Variants in C6orf89 observed in about 807,000 individuals in gnomAD.
C6orf89 encodes bombesin receptor-activated protein C6orf89.
In C6orf89, 29 loss-of-function variants were observed where a neutral mutation model predicts 40.7. That is an observed-to-expected ratio of 0.71 (90% CI 0.53 to 0.97). The LOEUF (loss-of-function observed/expected upper bound fraction) is 0.97. C6orf89 is among the 50% of genes least tolerant of loss of function. The pLI is 0.00. For synonymous variants in C6orf89, 165 were observed against 152.2 expected, an observed-to-expected ratio of 1.08 and a Z score of -0.62; for missense variants, 392 against 429.1, an observed-to-expected ratio of 0.91 and a Z score of 0.76.
intron 1 of C6orf89, among the ~76,000 whole-genome samples, chr6:36,876,340 C>T (rs1479447557): frequency 6.6e-6 from 1 of 152,184 alleles, no homozygotes; most frequent in African/African-American, 2.4e-5. Context: ...GTCTCACACA[C>T]ACAGTGCCCT....
In C6orf89 at chr6:36,916,466, A is replaced by G; in HGVS notation, c.717A>G (p.Ser239=). 2 of 1,614,222 alleles carry G rather than the reference A, an allele frequency of 1.2e-6. No homozygotes were observed. Among genetic ancestry groups the G allele is most frequent in the Non-Finnish European group, 1.7e-6 (2 of 1,180,048 alleles). ...ACAGGAGGAGACCTCTGAACAGATCACAAATGTTACGTGAGCTTTTTCCTG... is the reference window on the plus strand; with the variant it reads ...ACAGGAGGAGACCTCTGAACAGATCGCAAATGTTACGTGAGCTTTTTCCTG... ...PYPWRRPLNR[S]QMLRELFPVF... is the part of the protein sequence containing the mutation. Residue 239 remains serine (S), a synonymous_variant, in exon 7 of 9, where the codon TCA becomes TCG. Transcript: ENST00000480824.
At chr6:36,885,815 C>G, upstream of C6orf89, 2 of 400,662 alleles carry the variant, frequency 5.0e-6, no homozygotes, top group Non-Finnish European at 8.7e-6. Context: ...CTCCAGATAT[C>G]GCGAGAGGTC....
At chr6:36,884,454 T>A (rs1262017179), upstream of C6orf89, among the ~76,000 whole-genome samples, 1 of 152,120 alleles carries the variant, frequency 6.6e-6, no homozygotes, top group Non-Finnish European at 1.5e-5. The surrounding 1 kb of genome is among the most constrained non-coding windows in gnomAD (Gnocchi z 4.0). Context: ...ATAATAATAG[T>A]CTCCCTGGTG....
intron 1 of C6orf89, among the ~76,000 whole-genome samples, chr6:36,887,673 C>T (rs1012943908): frequency 6.6e-6 from 1 of 152,142 alleles, no homozygotes; most frequent in Non-Finnish European, 1.5e-5. Flanking sequence ...TGAAACTGAA[C>T]AGGTAGGCAG....
At chr6:36,884,915 C>T (rs1774922033), upstream of C6orf89, among the ~76,000 whole-genome samples, 5 of 152,296 alleles carry the variant, frequency 3.3e-5, 1 homozygote, top group South Asian at 1.0e-3. This position sits in a 1 kb window ranked among gnomAD's most constrained non-coding sequence, Gnocchi z 4.0. Flanking sequence ...CTACTCAGCC[C>T]TTATTCTCTT....
intron 3 of C6orf89, 39 bp downstream of exon 3, chr6:36,899,672 C>T (rs1175347374): frequency 7.0e-6 from 11 of 1,569,760 alleles, no homozygotes; most frequent in Non-Finnish European, 9.6e-6. Flanking sequence ...TTCAACAGAA[C>T]ACAAACTGTT....
chr6:36,885,945 C>A, upstream of C6orf89: 1 of 1,249,010 alleles, frequency 8.0e-7, no homozygotes, highest in South Asian at 2.7e-5. Context: ...GTCGCGCTCC[C>A]GGAAACAGGA....
chr6:36,885,968 T>G lies in C6orf89; in HGVS notation c.-180T>G. ...CCCGGAAACAGGAAGTTGCCCATCC[T>G]CCTCGCCCGGCGGCAGCTGTCCCCG... On this transcript the variant is annotated 5_prime_UTR_variant, in exon 1 of 9. Coordinates refer to ENST00000480824, the MANE Select transcript of C6orf89 (RefSeq NM_001286635.2). 2 of 1,268,432 alleles carry G rather than the reference T, an allele frequency of 1.6e-6. No homozygotes were observed. The highest frequency in any genetic ancestry group is 2.0e-6 in the Non-Finnish European group (2 of 1,004,732). The allele number at this position is 1,268,432 out of a possible 1,614,324, so 78.6% of individuals were successfully genotyped here.
chr6:36,916,350 C>A, intron 6 of C6orf89, 95 bp from the exon 7 acceptor site: 1 of 1,479,866 alleles, frequency 6.8e-7, no homozygotes, highest in Non-Finnish European at 9.3e-7. Context: ...TCTTTACCCA[C>A]CGCCCACAGT....
intron 2 of C6orf89, among the ~76,000 whole-genome samples, chr6:36,898,227 T>C (rs1338189019): frequency 6.6e-6 from 1 of 151,868 alleles, no homozygotes; most frequent in Non-Finnish European, 1.5e-5. Context: ...GGACTACAGG[T>C]GTGTGCCACC....
intron 7 of C6orf89, 46 bp from the exon 8 acceptor site, chr6:36,919,532 G>T: frequency 6.3e-7 from 1 of 1,582,362 alleles, no homozygotes. Flanking sequence ...GTTTTATTTC[G>T]TTTTCTTTGC....
At chr6:36,902,578 G>A (rs1761764322) in intron 4 of C6orf89, 144 bp downstream of exon 4, 2 of 722,620 alleles carry the variant, frequency 2.8e-6, no homozygotes, top group African/African-American at 3.6e-5. Flanking sequence ...AACTCTATGA[G>A]ATGGGGTTTA....
chr6:36,902,386 A>G lies in C6orf89; in HGVS notation c.355A>G (p.Asn119Asp). Residue 119 changes from asparagine to aspartate, a missense_variant, in exon 4 of 9, where the codon AAT becomes GAT. Coordinates refer to ENST00000480824, the MANE Select transcript of C6orf89 (RefSeq NM_001286635.2). The stretch of plus-strand genomic sequence containing the variant: ...CATTGCCAAGAAGTACATGTCAGAA[A>G]ATAAGGGAGTTCCTCTGCATGGGGG... ...LPIAKKYMSENKGVPLHGGDE... is the reference protein window; with the variant it reads ...LPIAKKYMSEDKGVPLHGGDE... 6 of 1,614,220 alleles carry G rather than the reference A, an allele frequency of 3.7e-6. No homozygotes were observed. The highest frequency in any genetic ancestry group is 5.1e-6 in the Non-Finnish European group (6 of 1,180,042).
chr6:36,902,477 A>G, intron 4 of C6orf89, 43 bp downstream of exon 4: 1 of 1,567,058 alleles, frequency 6.4e-7, no homozygotes, highest in Non-Finnish European at 8.8e-7. Flanking sequence ...AGTTTTCTTG[A>G]CAGTATATGA....
chr6:36,892,850 TC>T (rs1443160471), intron 1 of C6orf89: 2 of 152,268 alleles, frequency 1.3e-5, no homozygotes, highest in African/African-American at 4.8e-5. Context: ...GGAACTACTT[TC>T]TGCAGGTAAG....
chr6:36,887,858 C>T (rs1282696012), intron 1 of C6orf89, among the ~76,000 whole-genome samples: 1 of 152,062 alleles, frequency 6.6e-6, no homozygotes, highest in Admixed American at 6.6e-5. Flanking sequence ...GCTGGGACTA[C>T]AGGCAGGCAC....
chr6:36,874,344 A>C (rs1774588605), intron 1 of C6orf89, among the ~76,000 whole-genome samples: 1 of 152,170 alleles, frequency 6.6e-6, no homozygotes, highest in Non-Finnish European at 1.5e-5. Context: ...TGTCTCTTTC[A>C]TTATACCGTA....
chr6:36,914,938 T>C (rs1302755800), intron 6 of C6orf89, among the ~76,000 whole-genome samples: 1 of 152,170 alleles, frequency 6.6e-6, no homozygotes, highest in Non-Finnish European at 1.5e-5. Flanking sequence ...TGCCATGAGC[T>C]GAGATCGCGC....
At chr6:36,885,745 G>C (rs542527092), upstream of C6orf89, 6 of 352,738 alleles carry the variant, frequency 1.7e-5, no homozygotes, top group South Asian at 8.7e-4. Context: ...AAGGATTTAG[G>C]ACTGGGGCGA....
Sources: allele counts gnomAD v4.1 joint callset (sites outside exome capture counted in the v4.1 genomes callset), GRCh38; gene constraint gnomAD v4.1.1; non-coding constraint Gnocchi (gnomAD v3.1); transcripts MANE v1.5; gene names NCBI Gene and HGNC (gene_info 2026-07-23, HGNC 2026-07-21).